Variants in DLC1 observed in about 807,000 individuals in gnomAD.
DLC1 encodes the protein rho GTPase-activating protein 7.
A neutral mutation model predicts 140.3 loss-of-function variants in DLC1; 54 were observed. The ratio of observed to expected loss-of-function variants is 0.38; its 90% CI spans 0.31 to 0.48. The LOEUF (loss-of-function observed/expected upper bound fraction) is 0.48, where lower values mean the gene tolerates loss of function less well. DLC1 is among the 20% of genes least tolerant of loss of function. The pLI is 0.96. For missense variants in DLC1, 2,536 were observed against 1,907.0 expected, an observed-to-expected ratio of 1.33 and a Z score of -6.14; for synonymous variants, 986 against 728.1, an observed-to-expected ratio of 1.35 and a Z score of -5.70.
At chr8:13,340,770 C>T (rs970167095) in intron 4 of DLC1, 8 of 152,196 alleles carry the variant, frequency 5.3e-5, no homozygotes, top group African/African-American at 1.7e-4. Context: ...TGGCCTATGC[C>T]ATAAATTCCC....
At chr8:13,488,822 C>A (rs1801096972) in intron 2 of DLC1, among the ~76,000 whole-genome samples, 1 of 152,136 alleles carries the variant, frequency 6.6e-6, no homozygotes, top group African/African-American at 2.4e-5. Context: ...GTGTAAACAC[C>A]TTTAGGTAAG....
At chr8:13,361,223 C>T (rs1205396313) in intron 4 of DLC1, among the ~76,000 whole-genome samples, 1 of 151,982 alleles carries the variant, frequency 6.6e-6, no homozygotes, top group African/African-American at 2.4e-5. Flanking sequence ...CGGAGTGAGA[C>T]CTTGTCTCAG....
chr8:13,402,818 C>G (rs1837358528), intron 2 of DLC1, among the ~76,000 whole-genome samples: 2 of 152,098 alleles, frequency 1.3e-5, no homozygotes, highest in South Asian at 4.1e-4. Flanking sequence ...ATTCCCCCAG[C>G]CACCATTAAA....
At chr8:13,521,660 A>G (rs1802770751) in intron 1 of DLC1, among the ~76,000 whole-genome samples, 1 of 152,056 alleles carries the variant, frequency 6.6e-6, no homozygotes. Context: ...ATACTTCACA[A>G]TGCAGCACTG....
chr8:13,146,637 A>G (rs1218488023), intron 5 of DLC1, among the ~76,000 whole-genome samples: 1 of 152,136 alleles, frequency 6.6e-6, no homozygotes, highest in Non-Finnish European at 1.5e-5. Flanking sequence ...CATCTTACAC[A>G]GGGAGCTTCC....
chr8:13,361,132 T>TGAGATA (rs1554504826), intron 4 of DLC1, among the ~76,000 whole-genome samples: 1 of 151,804 alleles, frequency 6.6e-6, no homozygotes, highest in Non-Finnish European at 1.5e-5. Context: ...CTCAGGAGGT[T>TGAGATA]GAGGTAGGAG....
At chr8:13,348,654 G>A (rs1378254) in intron 4 of DLC1, among the ~76,000 whole-genome samples, 1 of 152,044 alleles carries the variant, frequency 6.6e-6, no homozygotes, top group Non-Finnish European at 1.5e-5. Flanking sequence ...AATCACAGAA[G>A]AAGCAGATTC....
At chr8:13,158,726 A>ACCCCCC (rs1824436999) in intron 5 of DLC1, among the ~76,000 whole-genome samples, 8 of 17,050 alleles carry the variant, frequency 4.7e-4, no homozygotes, top group African/African-American at 1.2e-3. Context: ...GTTCACAACC[A>ACCCCCC]CCACCCTCCC....
intron 4 of DLC1, among the ~76,000 whole-genome samples, chr8:13,377,085 T>G (rs1181500197): frequency 6.6e-6 from 1 of 152,096 alleles, no homozygotes; most frequent in Non-Finnish European, 1.5e-5. Context: ...TTTGGTGGAG[T>G]AAGTTGAGAA....
intron 5 of DLC1, among the ~76,000 whole-genome samples, chr8:13,216,693 T>G (rs1056046391): frequency 6.6e-6 from 1 of 152,166 alleles, no homozygotes; most frequent in African/African-American, 2.4e-5. Flanking sequence ...CTCAGGACTA[T>G]GTACAGTTTG....
In DLC1 at chr8:13,448,204, C is replaced by T. The variant is rs937866402; in HGVS notation, c.1024-46585G>A. The stretch of plus-strand genomic sequence containing the variant: ...CCATTTGTTCTGTTCATGGGATGTC[C>T]CTGTGCGTATCTGCTTACACTCACA... On this transcript the variant is annotated intron_variant, in intron 2 of 17. Transcript: ENST00000276297. Among the ~76,000 whole-genome samples, 9 of 152,042 alleles carry T rather than the reference C, an allele frequency of 5.9e-5. No individual in the cohort carries two copies. In the East Asian group the frequency reaches 7.7e-4, roughly 13 times the overall value.
At chr8:13,541,769 T>G (rs900984649) in intron 1 of DLC1, among the ~76,000 whole-genome samples, 2 of 152,160 alleles carry the variant, frequency 1.3e-5, no homozygotes, top group Admixed American at 6.5e-5. Flanking sequence ...CAGGATGATC[T>G]CGATCTCCTG....
intron 4 of DLC1, among the ~76,000 whole-genome samples, chr8:13,345,337 T>G (rs1222025009): frequency 6.6e-6 from 1 of 150,838 alleles, no homozygotes; most frequent in African/African-American, 2.4e-5. Flanking sequence ...TCAATTCCCC[T>G]ATAGTGAAAA....
intron 5 of DLC1, chr8:13,133,332 AC>A (rs1278911682): frequency 4.1e-5 from 45 of 1,102,768 alleles, no homozygotes; most frequent in Admixed American, 6.8e-5. Context: ...CGCTGGGCCC[AC>A]CCCCCGAGGG....
chr8:13,240,414 A>G (rs935354649), intron 5 of DLC1, among the ~76,000 whole-genome samples: 1 of 152,144 alleles, frequency 6.6e-6, no homozygotes, highest in Non-Finnish European at 1.5e-5. Context: ...CTCGACTAAT[A>G]TACACATATA....
intron 5 of DLC1, among the ~76,000 whole-genome samples, chr8:13,152,768 G>T (rs1254390164): frequency 7.9e-6 from 1 of 126,006 alleles, no homozygotes; most frequent in East Asian, 2.6e-4. Context: ...AGCAAACCAT[G>T]ATCTTGCCAC....
chr8:13,093,645 A>G (rs948854190), intron 12 of DLC1, among the ~76,000 whole-genome samples: 2 of 152,204 alleles, frequency 1.3e-5, no homozygotes, highest in African/African-American at 4.8e-5. Context: ...AACTGATTAA[A>G]CAGCTCCATG....
At chr8:13,295,823 G>C (rs1831921360) in intron 5 of DLC1, among the ~76,000 whole-genome samples, 1 of 151,628 alleles carries the variant, frequency 6.6e-6, no homozygotes, top group South Asian at 2.1e-4. Flanking sequence ...TTTTCTTGTG[G>C]GTACGTATTT....
rs940307001 is a variant in DLC1, at chr8:13,306,678, A to C, written c.1315-1376T>G. Among the ~76,000 whole-genome samples, 3 of 152,054 alleles carry C rather than the reference A, an allele frequency of 2.0e-5. No homozygotes were observed. In the East Asian group the frequency reaches 5.8e-4, roughly 29 times the overall value. ...TCATTTCGAGAAATAGCAAATATCA[A>C]GACGTCTATATCCTTGTGAAATATT... is the stretch of plus-strand genomic sequence containing the variant. On this transcript the variant is annotated intron_variant, in intron 4 of 17. Transcript: ENST00000276297.
Sources: allele counts gnomAD v4.1 joint callset (sites outside exome capture counted in the v4.1 genomes callset), GRCh38; gene constraint gnomAD v4.1.1; transcripts MANE v1.5; gene names NCBI Gene and HGNC (gene_info 2026-07-23, HGNC 2026-07-21).